Variants in SS18L1 observed in about 807,000 individuals in gnomAD.
SS18L1 encodes the protein SS18L1 subunit of BAF chromatin remodeling complex.
In SS18L1, 32 loss-of-function variants were observed where a neutral mutation model predicts 70.3. The ratio of observed to expected loss-of-function variants is 0.46; its 90% CI spans 0.34 to 0.61. The LOEUF is 0.61. Among genes scored for constraint, SS18L1 ranks in the 20% least tolerant of loss-of-function variants. SS18L1 has a pLI of 0.01. For synonymous variants in SS18L1, 237 were observed against 229.7 expected (o/e 1.03, Z -0.29); for missense variants, 430 against 542.1 (o/e 0.79, Z 2.05).
At chr20:62,162,537 C>A (rs984538077) in intron 4 of SS18L1, 4 of 523,826 alleles carry the variant, frequency 7.6e-6, no homozygotes, top group African/African-American at 2.0e-5. Context: ...CTCTTGACTT[C>A]AGGTGATCCA....
chr20:62,159,046 C>T lies in SS18L1; in HGVS notation c.146+298C>T. On this transcript the variant is annotated intron_variant, in intron 2 of 10. Coordinates refer to ENST00000331758, the MANE Select transcript of SS18L1 (RefSeq NM_198935.3). The surrounding 1 kb of genome is among the most constrained non-coding windows in gnomAD (Gnocchi z 4.4). ...TCCCGAGAGTCCCCCAGCACGGAGG[C>T]CAGATATGTCCCGAGAGTCCCTGGC... 1 of 1,461,000 alleles carries T rather than the reference C, an allele frequency of 6.8e-7. No individual in the cohort carries two copies. Among genetic ancestry groups the T allele is most frequent in the Non-Finnish European group, 9.2e-7 (1 of 1,090,554 alleles). 90.5% of individuals were successfully genotyped at this position (1,461,000 alleles called of 1,614,324 possible). A position where few individuals can be genotyped will look rare whatever the true frequency, so the allele number is the denominator to read the frequency against.
chr20:62,166,079 T>C (rs1345021576), intron 8 of SS18L1, among the ~76,000 whole-genome samples: 1 of 152,264 alleles, frequency 6.6e-6, no homozygotes, highest in Non-Finnish European at 1.5e-5. Flanking sequence ...CTGTGGTGTC[T>C]GTGCCCCCAC....
At position 62,158,929 on chromosome 20, in the gene SS18L1, C is replaced by T. The variant is rs1212176945; in HGVS notation, c.146+181C>T. 6.3e-7 allele frequency: 1 copy of T among 1,587,532 alleles called. No homozygotes were observed. The highest frequency in any genetic ancestry group is 1.7e-5 in the Admixed American group (1 of 59,362). ...CAGAGGCCAGATATGTCCCAGGAGT[C>T]CCCCAGCACGGAGGTCAGATATGTC... On this transcript the variant is annotated intron_variant, in intron 2 of 10. Coordinates refer to ENST00000331758, the MANE Select transcript of SS18L1 (RefSeq NM_198935.3). This position sits in a 1 kb window ranked among gnomAD's most constrained non-coding sequence, Gnocchi z 4.5.
rs2057726004 is a variant in SS18L1, at chr20:62,182,344, G to A, written c.*3136G>A. Reference sequence around the variant, plus strand: ...CCACTTCATTTCTATTTATTGAACAGGTCAAATTTGTCTTGTTATTTGTGA... The same window carrying A: ...CCACTTCATTTCTATTTATTGAACAAGTCAAATTTGTCTTGTTATTTGTGA... On this transcript the variant is annotated 3_prime_UTR_variant, in exon 11 of 11. Coordinates refer to ENST00000331758, the MANE Select transcript of SS18L1 (RefSeq NM_198935.3). The A allele has an allele frequency of 4.8e-6, 1 of 209,342 alleles. No homozygotes were observed. The highest frequency in any genetic ancestry group is 9.7e-6 in the Non-Finnish European group (1 of 103,182). 13.0% of individuals were successfully genotyped at this position (209,342 alleles called of 1,614,324 possible).
chr20:62,167,034 G>GTTTTTTTTTTTTTTTT (rs1235961398), intron 8 of SS18L1, among the ~76,000 whole-genome samples: 2 of 123,494 alleles, frequency 1.6e-5, no homozygotes, highest in East Asian at 5.2e-4. Flanking sequence ...GAGCTCAGGA[G>GTTTTTTTTTTTTTTTT]TTTGTTTGTT....
At position 62,164,038 on chromosome 20, in the gene SS18L1, G is replaced by C. The variant is rs919784910; in HGVS notation, c.722-107G>C. 9 of 919,808 alleles carry C rather than the reference G, an allele frequency of 9.8e-6. No individual in the cohort carries two copies. In the African/African-American group the frequency reaches 1.2e-4, roughly 12 times the overall value. 57.0% of individuals were successfully genotyped at this position (919,808 alleles called of 1,614,324 possible). A position where few individuals can be genotyped will look rare whatever the true frequency, so the allele number is the denominator to read the frequency against. ...ATGACAGCGTGGGGTGTTCTCCTCGGGTGGGTGAGGCCATTCAGCAAGGCC... is the reference window on the plus strand; with the variant it reads ...ATGACAGCGTGGGGTGTTCTCCTCGCGTGGGTGAGGCCATTCAGCAAGGCC... On this transcript the variant is annotated intron_variant, in intron 6 of 10. Coordinates refer to ENST00000331758, the MANE Select transcript of SS18L1 (RefSeq NM_198935.3).
intron 1 of SS18L1, among the ~76,000 whole-genome samples, chr20:62,145,499 A>G (rs2057009067): frequency 6.6e-6 from 1 of 152,142 alleles, no homozygotes; most frequent in African/African-American, 2.4e-5. Context: ...GGTTTTTTGG[A>G]GCTTAACAGT....
intron 1 of SS18L1, among the ~76,000 whole-genome samples, chr20:62,151,530 C>T (rs1279402942): frequency 6.6e-6 from 1 of 152,196 alleles, no homozygotes; most frequent in Non-Finnish European, 1.5e-5. Flanking sequence ...GGGGTGACCA[C>T]GCAGAGAGGG....
Position 62,181,720 on chromosome 20 carries a change from A to G in SS18L1, c.*2512A>G. On this transcript the variant is annotated 3_prime_UTR_variant, in exon 11 of 11. Coordinates refer to ENST00000331758, the MANE Select transcript of SS18L1 (RefSeq NM_198935.3). ...TTAATGTGCTGTCCATTTTTATGTA[A>G]TATTATGGGGAAAGTGATGCCAGCA... 4.5e-6 allele frequency: 1 copy of G among 222,268 alleles called. No homozygotes were observed. Among genetic ancestry groups the G allele is most frequent in the East Asian group, 6.6e-5 (1 of 15,150 alleles). 13.8% of individuals were successfully genotyped at this position (222,268 alleles called of 1,614,324 possible).
intron 10 of SS18L1, among the ~76,000 whole-genome samples, chr20:62,178,299 C>T (rs2057656602): frequency 6.6e-6 from 1 of 151,556 alleles, no homozygotes; most frequent in Non-Finnish European, 1.5e-5. Flanking sequence ...GCACGTGCCA[C>T]TACCACCTGG....
chr20:62,170,019 C>T (rs531951002), intron 8 of SS18L1, among the ~76,000 whole-genome samples: 20 of 152,344 alleles, frequency 1.3e-4, no homozygotes, highest in African/African-American at 4.6e-4. Flanking sequence ...GCTGCGTCCT[C>T]GTGTGGATCA....
At chr20:62,167,265 G>A (rs1009086894) in intron 8 of SS18L1, among the ~76,000 whole-genome samples, 4 of 149,926 alleles carry the variant, frequency 2.7e-5, no homozygotes, top group Admixed American at 2.0e-4. Flanking sequence ...GTCTGGTCTC[G>A]AACCCCTGAC....
intron 7 of SS18L1, among the ~76,000 whole-genome samples, chr20:62,164,687 G>A (rs888356722): frequency 2.0e-5 from 3 of 152,136 alleles, no homozygotes; most frequent in Non-Finnish European, 4.4e-5. Context: ...TTTTACCGTC[G>A]TCACCTTTCA....
In SS18L1 at chr20:62,161,096, G is replaced by A. The variant is rs1261905779; in HGVS notation, c.232-340G>A. 2.0e-5 allele frequency among the ~76,000 whole-genome samples: 3 copies of A among 151,706 alleles called. No individual in the cohort carries two copies. The highest frequency in any genetic ancestry group is 4.8e-5 in the African/African-American group (2 of 41,300). On this transcript the variant is annotated intron_variant, in intron 3 of 10. Transcript: ENST00000331758. This position sits in a 1 kb window ranked among gnomAD's most constrained non-coding sequence, Gnocchi z 4.4. ...GAGCACAGAGGCGCTGGTCACCTGC[G>A]CCCGAGGGGGACGGGGTGCGTTCAG...
chr20:62,180,986 T>C lies in SS18L1; in HGVS notation c.*1778T>C, dbSNP rs900283968. 5.5e-6 allele frequency: 1 copy of C among 182,432 alleles called. No individual in the cohort carries two copies. Among genetic ancestry groups the C allele is most frequent in the Non-Finnish European group, 1.2e-5 (1 of 85,718 alleles). The allele number at this position is 182,432 out of a possible 1,614,324, so 11.3% of individuals were successfully genotyped here. ...TAGAATTTATAAGTCACTTATGTGT[T>C]TTGCTTGAATTAATTCTGACAGCCC... On this transcript the variant is annotated 3_prime_UTR_variant, in exon 11 of 11. Coordinates refer to ENST00000331758, the MANE Select transcript of SS18L1 (RefSeq NM_198935.3).
At position 62,161,696 on chromosome 20, in the gene SS18L1, A is replaced by T. The variant is rs111277282; in HGVS notation, c.376+116A>T. On this transcript the variant is annotated intron_variant, in intron 4 of 10. Transcript: ENST00000331758. This position sits in a 1 kb window ranked among gnomAD's most constrained non-coding sequence, Gnocchi z 4.4. Reference sequence around the variant, plus strand: ...CCTCACAGGGCTGGGCATGGGACCCACTCCTCCTGGGGTAGCCACAGGTCG... The same window carrying T: ...CCTCACAGGGCTGGGCATGGGACCCTCTCCTCCTGGGGTAGCCACAGGTCG... 2.7e-5 allele frequency: 38 copies of T among 1,415,246 alleles called. 2 individuals are homozygous for T. In the African/African-American group the frequency reaches 3.2e-4, roughly 12 times the overall value. 87.7% of individuals were successfully genotyped at this position (1,415,246 alleles called of 1,614,324 possible).
chr20:62,155,596 C>A lies in SS18L1; in HGVS notation c.70-3076C>A, dbSNP rs573169677. Among the ~76,000 whole-genome samples, 44 of 152,264 alleles carry A rather than the reference C, an allele frequency of 2.9e-4. No individual in the cohort carries two copies. The South Asian group carries it at 8.9e-3, about 31-fold the overall frequency. Reference sequence around the variant, plus strand: ...TCAGGCAGGCGTGTGGCCTGTGGTTCACTCTGAGGTGCTCTTTCCCTTCAG... The same window carrying A: ...TCAGGCAGGCGTGTGGCCTGTGGTTAACTCTGAGGTGCTCTTTCCCTTCAG... On this transcript the variant is annotated intron_variant, in intron 1 of 10. Transcript: ENST00000331758.
intron 1 of SS18L1, among the ~76,000 whole-genome samples, chr20:62,157,058 C>T (rs910158067): frequency 4.6e-5 from 7 of 152,182 alleles, no homozygotes; most frequent in Admixed American, 1.3e-4. Flanking sequence ...TCTCCTCTCT[C>T]GCCTCCCGTT....
chr20:62,174,771 C>T lies in SS18L1; in HGVS notation c.1164+127C>T, dbSNP rs777131736. The stretch of plus-strand genomic sequence containing the variant: ...CTGGCTTCCAGGGTTCCTTCCAGAA[C>T]GTTAAGTCTCTGAGCCTGTAAGGTT... On this transcript the variant is annotated intron_variant, in intron 10 of 10. Transcript: ENST00000331758. The surrounding 1 kb of genome is among the most constrained non-coding windows in gnomAD (Gnocchi z 4.1). The T allele has an allele frequency of 3.6e-5, 57 of 1,582,478 alleles. No individual in the cohort carries two copies. Among genetic ancestry groups the T allele is most frequent in the Non-Finnish European group, 4.6e-5 (53 of 1,164,498 alleles).
Sources: gnomAD v4.1 joint callset for allele counts (sites outside exome capture counted in the v4.1 genomes callset) on GRCh38, gnomAD v4.1.1 for gene constraint, Gnocchi (gnomAD v3.1) non-coding constraint, MANE v1.5 for transcripts, NCBI Gene and HGNC (gene_info 2026-07-23, HGNC 2026-07-21) for gene names.